The following ZAN variants were observed in gnomAD, a reference collection of about 807,000 sequenced individuals.
The protein encoded by ZAN is zonadhesin.
A neutral mutation model predicts 286.2 loss-of-function variants in ZAN; 260 were observed. That is an observed-to-expected ratio of 0.91 (90% CI 0.82 to 1.01). ZAN has a LOEUF of 1.01. Among genes scored for constraint, ZAN ranks in the 50% least tolerant of loss-of-function variants. The pLI is 0.00. For missense variants in ZAN, 3,410 were observed against 3,639.2 expected (o/e 0.94, Z 1.62); for synonymous variants, 1,368 against 1,417.5 (o/e 0.97, Z 0.79).
In ZAN at chr7:100,760,521, ATG is replaced by A; in HGVS notation, c.3829_3830del (p.Val1277TyrfsTer18). ...AGATGGGATGGTGACCAGCAGCTGT[ATG>A]TTACTGTGTCCAGGTAAGGCAGTGT... On this transcript the variant is annotated frameshift_variant, in exon 19 of 48. Coordinates refer to ENST00000613979, the MANE Select transcript of ZAN (RefSeq NM_003386.3). LOFTEE classifies it high-confidence loss of function. 6.2e-7 allele frequency: 1 copy of A among 1,613,932 alleles called. No individual in the cohort carries two copies.
Position 100,797,389 on chromosome 7 carries a change from C to CT in ZAN, c.8291dup (p.Leu2766ThrfsTer70). Reference sequence around the variant, plus strand: ...AGCATCTAACCTGGTGGGCGTCCTACTGGGACTGCTGGTGCCTGTGGTGGT... The same window carrying CT: ...AGCATCTAACCTGGTGGGCGTCCTACTTGGGACTGCTGGTGCCTGTGGTGGT... On this transcript the variant is annotated frameshift_variant, in exon 46 of 48. Coordinates refer to ENST00000613979, the MANE Select transcript of ZAN (RefSeq NM_003386.3). LOFTEE classifies it high-confidence loss of function. 6.2e-7 allele frequency: 1 copy of CT among 1,613,808 alleles called. No homozygotes were observed. Among genetic ancestry groups the CT allele is most frequent in the South Asian group, 1.1e-5 (1 of 91,080 alleles).
At chr7:100,794,916 A>G (rs1812247866) in intron 44 of ZAN, among the ~76,000 whole-genome samples, 1 of 146,434 alleles carries the variant, frequency 6.8e-6, no homozygotes, top group African/African-American at 2.6e-5. Context: ...GGGAGAGGAG[A>G]GGAAGGGAGA....
rs545304014 is a variant in ZAN at position 100,763,987 on chromosome 7, C to A, written c.4098-40C>A. The A allele has an allele frequency of 5.0e-6, 8 of 1,613,702 alleles. No individual in the cohort carries two copies. In the East Asian group the frequency reaches 1.3e-4, roughly 27 times the overall value. On this transcript the variant is annotated intron_variant, in intron 21 of 47. Transcript: ENST00000613979. The surrounding 1 kb of genome is among the most constrained non-coding windows in gnomAD (Gnocchi z 4.6). Reference sequence around the variant, plus strand: ...CCTGGGCTCCTCCAAGGCTCTACCCCCTTCCACTGCATTCCCCCTGACTTG... The same window carrying A: ...CCTGGGCTCCTCCAAGGCTCTACCCACTTCCACTGCATTCCCCCTGACTTG...
chr7:100,762,315 G>A lies in ZAN; in HGVS notation c.3943G>A (p.Glu1315Lys). 3 of 1,613,664 alleles carry A rather than the reference G, an allele frequency of 1.9e-6. No homozygotes were observed. The highest frequency in any genetic ancestry group is 1.1e-5 in the South Asian group (1 of 91,056). Residue 1315 changes from glutamate to lysine, a missense_variant, in exon 20 of 48, where the codon GAG (glutamate) becomes AAG (lysine). By Grantham distance (56) the Glu-to-Lys change is moderately conservative. This residue lies in a region of ZAN where 1,042 missense variants were observed against 1,058.0 expected (regional missense o/e 0.98). Transcript: ENST00000613979. Reference protein sequence around the residue: ...LDGSPAGDKEELGNSWQTDQD... With the variant: ...LDGSPAGDKEKLGNSWQTDQD... ...CGGCAGCCCAGCAGGAGACAAGGAG[G>A]AGCTGGGGAACAGCTGGCAGACGGA...
At chr7:100,786,222 G>A (rs949992962) in intron 37 of ZAN, 81 bp downstream of exon 37, 1 of 1,575,948 alleles carries the variant, frequency 6.3e-7, no homozygotes, top group Non-Finnish European at 8.6e-7. Context: ...GGGTGGGAAG[G>A]GGCTTAGCCT....
At position 100,767,843 on chromosome 7, in the gene ZAN, C is replaced by G. The variant is rs375997567; in HGVS notation, c.4873C>G (p.Arg1625Gly). The G allele has an allele frequency of 1.2e-6, 2 of 1,612,780 alleles. No individual in the cohort carries two copies. Among genetic ancestry groups the G allele is most frequent in the Admixed American group, 1.7e-5 (1 of 59,692 alleles). The stretch of plus-strand genomic sequence containing the variant: ...CCTGCCTCTGCAGCTGAATGGCCAT[C>G]GGGTGGCCCTACCTGTGTGGCTTGC... Reference protein sequence around the residue: ...RGCKVMLNGHRVALPVWLAQG... With the variant: ...RGCKVMLNGHGVALPVWLAQG... Residue 1625 changes from arginine to glycine, a missense_variant, in exon 26 of 48, where the codon CGG (arginine) becomes GGG (glycine). Physicochemically the swap from Arg to Gly is moderately radical, Grantham distance 125. Coordinates refer to ENST00000613979, the MANE Select transcript of ZAN (RefSeq NM_003386.3).
At chr7:100,769,429 C>T (rs1810226962) in intron 27 of ZAN, among the ~76,000 whole-genome samples, 1 of 152,096 alleles carries the variant, frequency 6.6e-6, no homozygotes, top group Non-Finnish European at 1.5e-5. Context: ...GGAGATGGTT[C>T]CTCAGGCCCT....
In ZAN at chr7:100,738,880, TCTCCCTCTCCCTCTCCC is replaced by T. The variant is rs1807509557; in HGVS notation, c.766+268_766+284del. Among the ~76,000 whole-genome samples, 8 of 8,214 alleles carry T rather than the reference TCTCCCTCTCCCTCTCCC, an allele frequency of 9.7e-4. 1 individual carries two copies. Among genetic ancestry groups the T allele is most frequent in the East Asian group, 9.4e-3 (1 of 106 alleles). 5.4% of individuals were successfully genotyped at this position (8,214 alleles called of 152,430 possible). A position where few individuals can be genotyped will look rare whatever the true frequency, so the allele number is the denominator to read the frequency against. On this transcript the variant is annotated intron_variant, in intron 7 of 47. Transcript: ENST00000613979. The stretch of plus-strand genomic sequence containing the variant: ...TTTCTCTTCCTCTTCTTCTTCTCCC[TCTCCCTCTCCCTCTCCC>T]TCTCCCTCTCCCTCTCCCTCTCCCT...
intron 39 of ZAN, among the ~76,000 whole-genome samples, chr7:100,790,064 G>A (rs1811836603): frequency 6.6e-6 from 1 of 151,860 alleles, no homozygotes; most frequent in Non-Finnish European, 1.5e-5. Flanking sequence ...TTCGAGACCA[G>A]CCTGGGCAAC....
intron 24 of ZAN, 146 bp downstream of exon 24, chr7:100,766,812 CA>C: frequency 9.1e-6 from 13 of 1,425,872 alleles, no homozygotes; most frequent in Non-Finnish European, 1.2e-5. Flanking sequence ...TTCAGGGACC[CA>C]AAGGGTGAGG....
rs1809899293 is a variant in ZAN, at chr7:100,765,512, C to T, written c.4428C>T (p.Arg1476=). The T allele has an allele frequency of 6.2e-7, 1 of 1,611,182 alleles. No homozygotes were observed. The highest frequency in any genetic ancestry group is 8.5e-7 in the Non-Finnish European group (1 of 1,178,778). The part of the protein sequence containing the change: ...FVLSGLECIP[R]SQCGCLHPAG... ...TCAGTGGCCTCGAGTGCATACCTCG[C>T]TCCCAGTGTGGGTGCCTCCACCCTG... is the stretch of plus-strand genomic sequence containing the variant. Residue 1476 remains arginine (R), a synonymous_variant, in exon 23 of 48, where the codon CGC becomes CGT. Transcript: ENST00000613979.
At chr7:100,794,338 C>T in intron 44 of ZAN, 80 bp downstream of exon 44, 1 of 1,512,310 alleles carries the variant, frequency 6.6e-7, no homozygotes, top group Non-Finnish European at 8.8e-7. Context: ...CCCTCCTTGT[C>T]CTCAGGACTC....
intron 29 of ZAN, among the ~76,000 whole-genome samples, 156 bp downstream of exon 29, chr7:100,772,176 C>T (rs866274929): frequency 6.6e-6 from 1 of 151,174 alleles, no homozygotes; most frequent in Non-Finnish European, 1.5e-5. Flanking sequence ...TCACTGCAAC[C>T]TCTACCTCCT....
At position 100,789,262 on chromosome 7, in the gene ZAN, C is replaced by A. The variant is rs1281318533; in HGVS notation, c.7272C>A (p.His2424Gln). 4 of 1,613,916 alleles carry A rather than the reference C, an allele frequency of 2.5e-6. No individual in the cohort carries two copies. Among genetic ancestry groups the A allele is most frequent in the African/African-American group, 2.7e-5 (2 of 75,046 alleles). ...CCGTCCCCTACAGGCCAAATGAACA[C>A]CTGCGGGTCACCCTGTGGGGCCAAC... The part of the protein sequence containing the change: ...KMAVPYRPNE[H>Q]LRVTLWGQRL... Residue 2424 changes from histidine (H) to glutamine (Q), a missense_variant, in exon 39 of 48, where the codon CAC (histidine) becomes CAA (glutamine). By Grantham distance (24) the His-to-Gln change is conservative. Coordinates refer to ENST00000613979, the MANE Select transcript of ZAN (RefSeq NM_003386.3).
At chr7:100,792,576 G>A (rs1013954388) in intron 42 of ZAN, 97 bp downstream of exon 42, 1 of 1,568,310 alleles carries the variant, frequency 6.4e-7, no homozygotes, top group African/African-American at 1.4e-5. Context: ...TGCCGACCCT[G>A]ACCCCTCTGC....
chr7:100,734,244 T>C (rs373557646), intron 2 of ZAN, 23 bp downstream of exon 2: 4 of 1,404,262 alleles, frequency 2.8e-6, no homozygotes, highest in Admixed American at 2.2e-5. Context: ...CAGGGGGTAA[T>C]GATAAACCAG....
At chr7:100,743,315 C>T (rs992016406) in intron 7 of ZAN, among the ~76,000 whole-genome samples, 3 of 152,124 alleles carry the variant, frequency 2.0e-5, no homozygotes, top group Admixed American at 6.6e-5. Flanking sequence ...AGCCACCATG[C>T]CTGGCTGATA....
chr7:100,779,546 A>G lies in ZAN; in HGVS notation c.6418A>G (p.Lys2140Glu). ...RAADLRRAREKCEAALRAPVW... is the reference protein window; with the variant it reads ...RAADLRRAREECEAALRAPVW... Reference sequence around the variant, plus strand: ...GGCCGACCTCCGCAGGGCGCGGGAAAAGTGCGAGGCAGCGCTCCGGGCTCC... The same window carrying G: ...GGCCGACCTCCGCAGGGCGCGGGAAGAGTGCGAGGCAGCGCTCCGGGCTCC... The change falls in exon 35 of 48, where the codon AAG becomes GAG. Residue 2140 changes from lysine to glutamate, a missense_variant. By Grantham distance (56) the Lys-to-Glu change is moderately conservative (BLOSUM62 1). Coordinates refer to ENST00000613979, the MANE Select transcript of ZAN (RefSeq NM_003386.3). 1 of 1,612,324 alleles carries G rather than the reference A, an allele frequency of 6.2e-7. No individual in the cohort carries two copies. Among genetic ancestry groups the G allele is most frequent in the Non-Finnish European group, 8.5e-7 (1 of 1,179,316 alleles).
rs1812162450 is a variant in ZAN, at chr7:100,793,871, C to T, written c.7839C>T (p.Pro2613=). 1.9e-6 allele frequency: 3 copies of T among 1,613,568 alleles called. No individual in the cohort carries two copies. Among genetic ancestry groups the T allele is most frequent in the South Asian group, 2.2e-5 (2 of 91,054 alleles). ...TATCAGAGCTGTATGACACCCTGCCCAGCATCCTGTGCCAACCTGGCAGAC... is the reference window on the plus strand; with the variant it reads ...TATCAGAGCTGTATGACACCCTGCCTAGCATCCTGTGCCAACCTGGCAGAC... The part of the protein sequence containing the change: ...YHISELYDTL[P]SILCQPGRPR... Residue 2613 remains proline (P), a synonymous_variant, in exon 43 of 48, where the codon CCC becomes CCT. Coordinates refer to ENST00000613979, the MANE Select transcript of ZAN (RefSeq NM_003386.3).
Sources: allele counts gnomAD v4.1 joint callset (sites outside exome capture counted in the v4.1 genomes callset), GRCh38; gene constraint gnomAD v4.1.1; regional missense constraint gnomAD v4.1.1; non-coding constraint Gnocchi (gnomAD v3.1); transcripts MANE v1.5; gene names NCBI Gene and HGNC (gene_info 2026-07-23, HGNC 2026-07-21).